The following CMTM8 variants were observed in gnomAD, a reference collection of about 807,000 sequenced individuals.
CMTM8 encodes CKLF like MARVEL transmembrane domain containing 8.
A neutral mutation model predicts 18.6 loss-of-function variants in CMTM8; 12 were observed. The observed-to-expected ratio is 0.65, with a 90% CI of 0.41 to 1.05. The LOEUF is 1.05. CMTM8 is among the 50% of genes least tolerant of loss of function. CMTM8 has a pLI of 0.00. For synonymous variants in CMTM8, 87 were observed against 90.6 expected, an observed-to-expected ratio of 0.96 and a Z score of 0.23; for missense variants, 217 against 227.2, an observed-to-expected ratio of 0.95 and a Z score of 0.29.
intron 1 of CMTM8, among the ~76,000 whole-genome samples, chr3:32,340,199 A>G (rs1696466497): frequency 1.3e-5 from 2 of 152,196 alleles, no homozygotes; most frequent in African/African-American, 4.8e-5. Context: ...GTAGGAACTC[A>G]TCCAGACAGT....
intron 1 of CMTM8, among the ~76,000 whole-genome samples, chr3:32,279,989 G>A (rs1487286067): frequency 2.6e-5 from 4 of 152,186 alleles, no homozygotes; most frequent in Non-Finnish European, 5.9e-5. Context: ...TTTGAGAAGT[G>A]TCTGTTATTA....
chr3:32,355,083 C>T (rs1404499072), intron 1 of CMTM8, among the ~76,000 whole-genome samples: 1 of 152,172 alleles, frequency 6.6e-6, no homozygotes, highest in African/African-American at 2.4e-5. Context: ...TTAGCTGCTC[C>T]CTGGCACAGG....
At chr3:32,319,074 A>ATATATATATTTT in intron 1 of CMTM8, among the ~76,000 whole-genome samples, 10 of 31,506 alleles carry the variant, frequency 3.2e-4, no homozygotes, top group Non-Finnish European at 3.6e-4. Flanking sequence ...ATATATATAT[A>ATATATATATTTT]TTTTTTTTTT....
intron 1 of CMTM8, among the ~76,000 whole-genome samples, chr3:32,302,768 C>G (rs930686355): frequency 1.3e-5 from 2 of 152,164 alleles, no homozygotes; most frequent in African/African-American, 4.8e-5. Flanking sequence ...CCTTGGAAAC[C>G]TGTGCGCACA....
chr3:32,274,265 A>G (rs1442356842), intron 1 of CMTM8, among the ~76,000 whole-genome samples: 1 of 151,590 alleles, frequency 6.6e-6, no homozygotes, highest in African/African-American at 2.4e-5. Flanking sequence ...AGTAGTGATC[A>G]TGCCACTGCA....
chr3:32,300,638 A>G (rs1246916891), intron 1 of CMTM8, among the ~76,000 whole-genome samples: 4 of 152,022 alleles, frequency 2.6e-5, no homozygotes, highest in Non-Finnish European at 4.4e-5. Flanking sequence ...ATTTCATAGC[A>G]TTTTCATATT....
Position 32,369,991 on chromosome 3 carries a change from GA to G in CMTM8, c.*33del, listed in dbSNP as rs747470188. 317 of 1,357,772 alleles carry G rather than the reference GA, an allele frequency of 2.3e-4. No homozygotes were observed. Among genetic ancestry groups the G allele is most frequent in the South Asian group, 5.0e-4 (37 of 73,530 alleles). 84.1% of individuals were successfully genotyped at this position (1,357,772 alleles called of 1,614,324 possible). On this transcript the variant is annotated 3_prime_UTR_variant, in exon 4 of 4. Coordinates refer to ENST00000307526, the MANE Select transcript of CMTM8 (RefSeq NM_178868.5). ...GATTTACCATTTTGATAATTAAAAG[GA>G]AAAAAAAAGGAAGACTCTCACTGTA... is the stretch of plus-strand genomic sequence containing the variant.
In CMTM8 at chr3:32,239,092, G is replaced by C. The variant is rs1428746612; in HGVS notation, c.120G>C (p.Leu40=). ...ACGACCGGGAGTTCCTCCGCACCCT[G>C]CCCGGCTTCCTCATCGTGGCCGAGA... is the stretch of plus-strand genomic sequence containing the variant. ...FAYDREFLRT[L]PGFLIVAEIV... is the part of the protein sequence containing the mutation. Residue 40 remains leucine (L), a synonymous_variant, in exon 1 of 4, where the codon CTG becomes CTC. Transcript: ENST00000307526. 3.7e-6 allele frequency: 6 copies of C among 1,601,148 alleles called. No individual in the cohort carries two copies. The highest frequency in any genetic ancestry group is 5.1e-6 in the Non-Finnish European group (6 of 1,174,590).
chr3:32,266,235 A>G (rs1702342569), intron 1 of CMTM8, among the ~76,000 whole-genome samples: 1 of 152,248 alleles, frequency 6.6e-6, no homozygotes, highest in African/African-American at 2.4e-5. Context: ...ATCCAGCAAC[A>G]CATCAAAAAG....
chr3:32,255,153 T>G (rs998293871), intron 1 of CMTM8, among the ~76,000 whole-genome samples: 18 of 152,212 alleles, frequency 1.2e-4, no homozygotes, highest in African/African-American at 4.3e-4. Flanking sequence ...ATACCACATT[T>G]TATTCATCTG....
intron 1 of CMTM8, among the ~76,000 whole-genome samples, chr3:32,297,679 A>G (rs1208132952): frequency 1.3e-5 from 2 of 152,010 alleles, no homozygotes; most frequent in African/African-American, 2.4e-5. Flanking sequence ...TGTGCAAAAC[A>G]TTGATGGTGA....
chr3:32,279,917 C>G (rs1300992512), intron 1 of CMTM8, among the ~76,000 whole-genome samples: 1 of 150,706 alleles, frequency 6.6e-6, no homozygotes, highest in Non-Finnish European at 1.5e-5. Flanking sequence ...ATTTGCATTT[C>G]TCTGATGGCC....
chr3:32,326,201 A>T (rs757891058), intron 1 of CMTM8, among the ~76,000 whole-genome samples: 6 of 152,230 alleles, frequency 3.9e-5, no homozygotes, highest in Admixed American at 6.5e-5. Context: ...GGGTCTCCCC[A>T]TACAGCCATT....
intron 2 of CMTM8, among the ~76,000 whole-genome samples, chr3:32,363,591 C>T (rs146149157): frequency 6.3e-4 from 96 of 152,334 alleles, no homozygotes; most frequent in Non-Finnish European, 1.3e-3. Flanking sequence ...AGCTCTGCCA[C>T]AGACGAAGCA....
At chr3:32,331,520 TAA>T (rs138840748) in intron 1 of CMTM8, among the ~76,000 whole-genome samples, 2 of 123,946 alleles carry the variant, frequency 1.6e-5, no homozygotes, top group African/African-American at 5.8e-5. Flanking sequence ...TTCAGCTGAT[TAA>T]AAAAAAAACA....
intron 1 of CMTM8, among the ~76,000 whole-genome samples, chr3:32,258,295 T>C (rs1702202874): frequency 6.6e-6 from 1 of 152,200 alleles, no homozygotes; most frequent in Admixed American, 6.5e-5. Context: ...TTCTAGCTTT[T>C]CGGCACTACT....
intron 1 of CMTM8, chr3:32,259,407 C>A: frequency 2.3e-6 from 2 of 870,726 alleles, no homozygotes; most frequent in Non-Finnish European, 2.0e-6. Context: ...ATTGACAATG[C>A]CTGTCTTGCT....
intron 1 of CMTM8, among the ~76,000 whole-genome samples, chr3:32,299,135 T>C (rs1695559440): frequency 6.6e-6 from 1 of 151,324 alleles, no homozygotes; most frequent in African/African-American, 2.4e-5. Context: ...CAAAGAGTCC[T>C]GACGTATTTT....
In CMTM8 at chr3:32,244,770, T is replaced by C. The variant is rs1701989123; in HGVS notation, c.147+5651T>C. On this transcript the variant is annotated intron_variant, in intron 1 of 3. Coordinates refer to ENST00000307526, the MANE Select transcript of CMTM8 (RefSeq NM_178868.5). ...AGCATAACCAGTGCTGTAGCAATCT[T>C]TTTCTTTGTCTGTCTTTCCACATTT... Among the ~76,000 whole-genome samples the C allele has an allele frequency of 2.0e-5, 3 of 152,336 alleles. No homozygotes were observed. In the South Asian group the frequency reaches 6.2e-4, roughly 32 times the overall value.
Sources: allele counts gnomAD v4.1 joint callset (sites outside exome capture counted in the v4.1 genomes callset), GRCh38; gene constraint gnomAD v4.1.1; transcripts MANE v1.5; gene names NCBI Gene and HGNC (gene_info 2026-07-23, HGNC 2026-07-21).